Variants in RCAN2 observed in about 807,000 individuals in gnomAD.
The protein encoded by RCAN2 is regulator of calcineurin 2.
In RCAN2, 9 loss-of-function variants were observed where a neutral mutation model predicts 23.6. The ratio of observed to expected loss-of-function variants is 0.38; its 90% CI spans 0.23 to 0.67. RCAN2 has a LOEUF of 0.67. Among genes scored for constraint, RCAN2 ranks in the 30% least tolerant of loss-of-function variants. The pLI is 0.51. For synonymous variants in RCAN2, 109 were observed against 115.7 expected (o/e 0.94, Z 0.37); for missense variants, 273 against 302.3 (o/e 0.90, Z 0.72).
intron 2 of RCAN2, among the ~76,000 whole-genome samples, chr6:46,363,820 G>A (rs1765089630): frequency 6.6e-6 from 1 of 151,676 alleles, no homozygotes. Context: ...AAAAATGCTA[G>A]GCTTTATTCA....
chr6:46,395,486 C>T (rs556836628), intron 2 of RCAN2, among the ~76,000 whole-genome samples: 12 of 152,276 alleles, frequency 7.9e-5, no homozygotes, highest in Middle Eastern at 6.8e-3. Flanking sequence ...GTCTTTTACT[C>T]CTTTCAAAAT....
chr6:46,290,682 G>GA (rs1415336221), intron 2 of RCAN2, among the ~76,000 whole-genome samples: 1 of 152,090 alleles, frequency 6.6e-6, no homozygotes, highest in Non-Finnish European at 1.5e-5. Flanking sequence ...AGAAGGAAAT[G>GA]AATCATTAGA....
At chr6:46,334,711 T>C (rs11963572) in intron 2 of RCAN2, among the ~76,000 whole-genome samples, 63,814 of 152,008 alleles carry the variant, frequency 0.42, 14,950 homozygotes, top group East Asian at 0.6. Context: ...AGGGACAGTG[T>C]TCATTCCACC....
intron 2 of RCAN2, among the ~76,000 whole-genome samples, chr6:46,255,112 A>G (rs1766861806): frequency 6.6e-6 from 1 of 152,218 alleles, no homozygotes; most frequent in Middle Eastern, 3.2e-3. Context: ...AAACAAATAT[A>G]GGCAGCCTTG....
intron 2 of RCAN2, among the ~76,000 whole-genome samples, chr6:46,375,343 T>A (rs1765428629): frequency 6.6e-6 from 1 of 152,186 alleles, no homozygotes; most frequent in South Asian, 2.1e-4. Flanking sequence ...CCCACATTTA[T>A]CACTTATGCT....
chr6:46,267,448 AGG>A, intron 2 of RCAN2, among the ~76,000 whole-genome samples: 1 of 152,342 alleles, frequency 6.6e-6, no homozygotes, highest in Non-Finnish European at 1.5e-5. Flanking sequence ...TGGGAGGCCA[AGG>A]TGAGAAGATC....
rs889059080 is a variant in RCAN2, at chr6:46,220,947, A to C, written c.*2194T>G. ...GAGGTTCCCTTGCAACACTTCAAGG[A>C]GTCTTTCCATTTCTTATCGTTCTCC... On this transcript the variant is annotated 3_prime_UTR_variant, in exon 5 of 5. Transcript: ENST00000371374. 6.5e-6 allele frequency: 1 copy of C among 152,794 alleles called. No individual in the cohort carries two copies. Among genetic ancestry groups the C allele is most frequent in the Admixed American group, 6.5e-5 (1 of 15,298 alleles). The allele number at this position is 152,794 out of a possible 1,614,324, so 9.5% of individuals were successfully genotyped here.
intron 2 of RCAN2, among the ~76,000 whole-genome samples, chr6:46,405,960 G>A (rs140954386): frequency 3.0e-4 from 46 of 152,336 alleles, no homozygotes; most frequent in African/African-American, 1.0e-3. Context: ...GCGCCGGTGG[G>A]TTGGCACTGC....
intron 2 of RCAN2, among the ~76,000 whole-genome samples, chr6:46,325,059 C>A (rs1240340699): frequency 6.6e-6 from 1 of 152,194 alleles, no homozygotes; most frequent in Non-Finnish European, 1.5e-5. Flanking sequence ...GATTCAAAAT[C>A]CCTCTTGACA....
intron 1 of RCAN2, among the ~76,000 whole-genome samples, chr6:46,482,358 C>T (rs552322361): frequency 7.6e-4 from 116 of 151,992 alleles, no homozygotes; most frequent in Non-Finnish European, 1.4e-3. Context: ...GCCCTAGGAT[C>T]ATTGAGAGAG....
chr6:46,386,885 T>C (rs1400480988), intron 2 of RCAN2, among the ~76,000 whole-genome samples: 2 of 152,156 alleles, frequency 1.3e-5, no homozygotes, highest in African/African-American at 2.4e-5. Context: ...AACAGCATGG[T>C]ACTGGTACCA....
At chr6:46,288,558 TCCCCTC>T (rs1156404718) in intron 2 of RCAN2, among the ~76,000 whole-genome samples, 2 of 152,210 alleles carry the variant, frequency 1.3e-5, no homozygotes, top group African/African-American at 4.8e-5. Flanking sequence ...TAACTATTGT[TCCCCTC>T]CTATCTAAAC....
chr6:46,343,162 T>A (rs1764381006), intron 2 of RCAN2, among the ~76,000 whole-genome samples: 1 of 152,004 alleles, frequency 6.6e-6, no homozygotes, highest in Non-Finnish European at 1.5e-5. Flanking sequence ...AGACATTATA[T>A]ACAGGAGAAC....
intron 2 of RCAN2, among the ~76,000 whole-genome samples, chr6:46,419,682 T>C (rs1766818657): frequency 6.6e-6 from 1 of 152,236 alleles, no homozygotes; most frequent in African/African-American, 2.4e-5. Flanking sequence ...TCATATCTCA[T>C]GGAACCATGT....
In RCAN2 at chr6:46,236,256, T is replaced by G. The variant is rs79034367; in HGVS notation, c.571+10492A>C. ...GATAACAGGCTGCATCCCACGGTAG[T>G]GGGTATCATATAATCTGGTCTTCAA... is the stretch of plus-strand genomic sequence containing the variant. On this transcript the variant is annotated intron_variant, in intron 4 of 4. Coordinates refer to ENST00000371374, the MANE Select transcript of RCAN2 (RefSeq NM_001251974.2). 9.9e-3 allele frequency among the ~76,000 whole-genome samples: 1,511 copies of G among 152,332 alleles called. 12 individuals carry two copies. Among genetic ancestry groups the G allele is most frequent in the Non-Finnish European group, 0.015 (1,022 of 68,018 alleles).
intron 2 of RCAN2, among the ~76,000 whole-genome samples, chr6:46,295,458 C>A (rs1762698427): frequency 6.6e-6 from 1 of 151,886 alleles, no homozygotes; most frequent in Non-Finnish European, 1.5e-5. Context: ...CAGAAGAACA[C>A]CAGAAAAGAA....
At chr6:46,280,498 A>C (rs1055406679) in intron 2 of RCAN2, among the ~76,000 whole-genome samples, 28 of 151,620 alleles carry the variant, frequency 1.8e-4, no homozygotes, top group African/African-American at 6.3e-4. Flanking sequence ...CACACACACA[A>C]AAGCACACAC....
chr6:46,306,910 C>A (rs2150354347), intron 2 of RCAN2, among the ~76,000 whole-genome samples: 1 of 152,226 alleles, frequency 6.6e-6, no homozygotes, highest in South Asian at 2.1e-4. Flanking sequence ...TATCATGTCT[C>A]TCTTCCCACT....
At chr6:46,237,606 G>A (rs768136572) in intron 4 of RCAN2, among the ~76,000 whole-genome samples, 46 of 152,118 alleles carry the variant, frequency 3.0e-4, no homozygotes, top group African/African-American at 4.6e-4. Flanking sequence ...TTTAATGATT[G>A]TCTTGACAAA....
Sources: gnomAD v4.1 joint callset for allele counts (sites outside exome capture counted in the v4.1 genomes callset) on GRCh38, gnomAD v4.1.1 for gene constraint, MANE v1.5 for transcripts, NCBI Gene and HGNC (gene_info 2026-07-23, HGNC 2026-07-21) for gene names.